ARHGAP8: variants seen among roughly 807,000 people sequenced by gnomAD.
The protein encoded by ARHGAP8 is Rho GTPase activating protein 8.
A neutral mutation model predicts 46.1 loss-of-function variants in ARHGAP8; 62 were observed. The ratio of observed to expected loss-of-function variants is 1.34; its 90% CI spans 1.10 to 1.66. The LOEUF is 1.66. Ranked by LOEUF, ARHGAP8 falls within the 40% of genes most tolerant of loss-of-function variation. The probability of loss-of-function intolerance (pLI) is 0.00; values close to 1 mark genes in which losing one functional copy is unlikely to be tolerated. For synonymous variants in ARHGAP8, 375 were observed against 243.1 expected (o/e 1.54, Z -5.05); for missense variants, 923 against 568.4 (o/e 1.62, Z -6.34).
intron 11 of ARHGAP8, among the ~76,000 whole-genome samples, chr22:44,861,733 T>C (rs2070495943): frequency 6.6e-6 from 1 of 152,140 alleles, no homozygotes; most frequent in South Asian, 2.1e-4. Flanking sequence ...TCCTGTACCT[T>C]CCAGGCCCCA....
intron 4 of ARHGAP8, among the ~76,000 whole-genome samples, chr22:44,810,616 T>C (rs5766048): frequency 0.37 from 57,023 of 152,088 alleles, 11,194 homozygotes; most frequent in East Asian, 0.58. Context: ...AGGTTCCAGC[T>C]GGCGTAATCA....
chr22:44,826,562 T>C (rs1314804764), intron 7 of ARHGAP8, among the ~76,000 whole-genome samples: 1 of 152,086 alleles, frequency 6.6e-6, no homozygotes. Flanking sequence ...GTAGCTGGGA[T>C]TACAGGCGCA....
chr22:44,781,127 G>A (rs1193598535), intron 1 of ARHGAP8, among the ~76,000 whole-genome samples: 1 of 152,166 alleles, frequency 6.6e-6, no homozygotes, highest in East Asian at 1.9e-4. Flanking sequence ...ATAACCAGAG[G>A]CGATCTTAAG....
chr22:44,817,985 C>T (rs556839950), intron 5 of ARHGAP8, among the ~76,000 whole-genome samples: 19 of 152,154 alleles, frequency 1.2e-4, no homozygotes, highest in African/African-American at 4.1e-4. Flanking sequence ...CATGGTGGCG[C>T]GTACCTTAGT....
At chr22:44,834,843 TAA>T (rs136670) in intron 7 of ARHGAP8, among the ~76,000 whole-genome samples, 2 of 152,234 alleles carry the variant, frequency 1.3e-5, no homozygotes, top group African/African-American at 4.8e-5. Context: ...TGCATGATGA[TAA>T]AAAAAATGTC....
intron 1 of ARHGAP8, among the ~76,000 whole-genome samples, chr22:44,775,027 T>G (rs1926322502): frequency 6.6e-6 from 1 of 152,148 alleles, no homozygotes; most frequent in African/African-American, 2.4e-5. Flanking sequence ...AGACAGAGTT[T>G]TGCCATTTTG....
intron 3 of ARHGAP8, among the ~76,000 whole-genome samples, chr22:44,804,212 T>C (rs1480997508): frequency 6.6e-6 from 1 of 152,152 alleles, no homozygotes; most frequent in Non-Finnish European, 1.5e-5. Flanking sequence ...CCTGTCATCC[T>C]CTTTCATCTG....
intron 1 of ARHGAP8, among the ~76,000 whole-genome samples, chr22:44,776,463 A>AG (rs982435968): frequency 4.2e-5 from 6 of 143,136 alleles, no homozygotes; most frequent in East Asian, 2.0e-4. Flanking sequence ...AAAAAAAAAG[A>AG]AAAAAAAAAG....
At chr22:44,840,462 C>T (rs931199303) in intron 7 of ARHGAP8, among the ~76,000 whole-genome samples, 4 of 149,694 alleles carry the variant, frequency 2.7e-5, no homozygotes, top group African/African-American at 9.8e-5. Flanking sequence ...CTCACTAGAT[C>T]CTCTGCAAGG....
At chr22:44,773,799 T>G (rs1480110775) in intron 1 of ARHGAP8, among the ~76,000 whole-genome samples, 2 of 152,190 alleles carry the variant, frequency 1.3e-5, no homozygotes, top group Admixed American at 1.3e-4. Context: ...CCCAGGTTGG[T>G]CTTGAACTCC....
chr22:44,858,341 C>T (rs568712509), intron 10 of ARHGAP8, among the ~76,000 whole-genome samples: 3 of 149,652 alleles, frequency 2.0e-5, no homozygotes, highest in African/African-American at 7.4e-5. Context: ...GCAGCGGGAA[C>T]TTGGTGAATA....
At chr22:44,804,376 CTG>C (rs894193726) in intron 3 of ARHGAP8, among the ~76,000 whole-genome samples, 18 of 151,838 alleles carry the variant, frequency 1.2e-4, no homozygotes, top group African/African-American at 4.3e-4. Flanking sequence ...GAATCCCTGT[CTG>C]TGTGAGTGAG....
chr22:44,788,109 A>G (rs1244533681), intron 2 of ARHGAP8, among the ~76,000 whole-genome samples: 1 of 149,348 alleles, frequency 6.7e-6, no homozygotes, highest in Non-Finnish European at 1.5e-5. Context: ...TATTATTATT[A>G]TTATTATTAT....
chr22:44,860,347 C>T (rs925684106), intron 11 of ARHGAP8, among the ~76,000 whole-genome samples: 51 of 152,278 alleles, frequency 3.3e-4, no homozygotes, highest in South Asian at 1.0e-3. Context: ...GTGCTCCTTC[C>T]AGAGGCTCTA....
At chr22:44,847,056 G>T (rs1460333697) in intron 8 of ARHGAP8, among the ~76,000 whole-genome samples, 2 of 152,178 alleles carry the variant, frequency 1.3e-5, no homozygotes, top group Non-Finnish European at 2.9e-5. Flanking sequence ...GGGAGGAGAA[G>T]GGGAGGTCAG....
intron 2 of ARHGAP8, 64 bp from the exon 3 acceptor site, chr22:44,802,013 C>T: frequency 6.3e-7 from 1 of 1,597,614 alleles, no homozygotes; most frequent in East Asian, 2.2e-5. Context: ...CTGCTTTTTG[C>T]TAAGTGCCTG....
In ARHGAP8 at chr22:44,843,559, T is replaced by C. The variant is rs572394744; in HGVS notation, c.597-1710T>C. On this transcript the variant is annotated intron_variant, in intron 7 of 11. Coordinates refer to ENST00000356099, the MANE Select transcript of ARHGAP8 (RefSeq NM_181335.3). The stretch of plus-strand genomic sequence containing the variant: ...TATTATAAAGACAGGCCTGGCCCAG[T>C]GGCTCATGCCTGTAATCCCAGGACT... 4.0e-3 allele frequency among the ~76,000 whole-genome samples: 612 copies of C among 152,362 alleles called. 4 individuals carry two copies. Among genetic ancestry groups the C allele is most frequent in the Middle Eastern group, 0.02 (6 of 294 alleles).
chr22:44,861,158 G>A (rs2070462216), intron 11 of ARHGAP8, among the ~76,000 whole-genome samples: 1 of 152,134 alleles, frequency 6.6e-6, no homozygotes, highest in African/African-American at 2.4e-5. Flanking sequence ...TTTTAGTAGA[G>A]ATGGGGTTTC....
intron 4 of ARHGAP8, among the ~76,000 whole-genome samples, chr22:44,813,651 CCA>C (rs1929520764): frequency 6.7e-6 from 1 of 150,220 alleles, no homozygotes; most frequent in African/African-American, 2.5e-5. Context: ...ACACACACAC[CCA>C]CACACCTAAA....
Sources: gnomAD v4.1 joint callset for allele counts (sites outside exome capture counted in the v4.1 genomes callset) on GRCh38, gnomAD v4.1.1 for gene constraint, MANE v1.5 for transcripts, NCBI Gene and HGNC (gene_info 2026-07-23, HGNC 2026-07-21) for gene names.